Variants in HDAC9 observed in about 807,000 individuals in gnomAD.
HDAC9 encodes the protein MEF-2 interacting transcription repressor (MITR) protein.
A neutral mutation model predicts 139.4 loss-of-function variants in HDAC9; 41 were observed. That is an observed-to-expected ratio of 0.29 (90% CI 0.23 to 0.38). HDAC9 has a LOEUF of 0.38. Ranked by LOEUF, HDAC9 falls within the 10% of genes least tolerant of loss-of-function variation. The probability of loss-of-function intolerance (pLI) is 1.00; values close to 1 mark genes in which losing one functional copy is unlikely to be tolerated. For synonymous variants in HDAC9, 517 were observed against 476.2 expected (o/e 1.09, Z -1.12); for missense variants, 1,147 against 1,297.0 (o/e 0.88, Z 1.78).
chr7:18,710,517 T>C (rs1478156563), intron 12 of HDAC9, among the ~76,000 whole-genome samples: 1 of 152,048 alleles, frequency 6.6e-6, no homozygotes, highest in Admixed American at 6.5e-5. Flanking sequence ...CATACATACG[T>C]ATATATATAC....
At position 18,666,275 on chromosome 7, in the gene HDAC9, A is replaced by G. The variant is rs199751327; in HGVS notation, c.1530A>G (p.Glu510=). The change falls in exon 12 of 26, where the codon GAA becomes GAG. Residue 510 remains glutamate, a synonymous_variant. Coordinates refer to ENST00000686413, the MANE Select transcript of HDAC9 (RefSeq NM_178425.4). ...GCAGTCACCTTGAGGAAGCAGAGGA[A>G]GAGCTTCAGGGGGACCAGGCGATGC... ...QPGSHLEEAE[E]ELQGDQAMQE... 5 of 1,613,408 alleles carry G rather than the reference A, an allele frequency of 3.1e-6. No individual in the cohort carries two copies. Among genetic ancestry groups the G allele is most frequent in the Non-Finnish European group, 4.2e-6 (5 of 1,179,544 alleles).
rs371160869 is a variant in HDAC9, at chr7:18,898,877, CACTT to C, written c.2803+24284_2803+24287del. Among the ~76,000 whole-genome samples the C allele has an allele frequency of 8.2e-4, 124 of 151,950 alleles. No homozygotes were observed. In the East Asian group the frequency reaches 0.013, roughly 16 times the overall value. Reference sequence around the variant, plus strand: ...ATATTTTGAGGAAATGTTTTTAAATCACTTACACAATATGCTTAAAAGTATATCC... The same window carrying C: ...ATATTTTGAGGAAATGTTTTTAAATCACACAATATGCTTAAAAGTATATCC... On this transcript the variant is annotated intron_variant, in intron 22 of 25. Transcript: ENST00000686413.
intron 1 of HDAC9, among the ~76,000 whole-genome samples, chr7:18,147,451 G>C (rs755924702): frequency 2.0e-5 from 3 of 152,168 alleles, no homozygotes; most frequent in Non-Finnish European, 4.4e-5. Flanking sequence ...ATCATTTTCT[G>C]TGAACTTGGG....
intron 1 of HDAC9, among the ~76,000 whole-genome samples, chr7:18,138,192 C>T (rs180681186): frequency 6.6e-6 from 1 of 152,066 alleles, no homozygotes; most frequent in Non-Finnish European, 1.5e-5. Context: ...TGATTCTTCT[C>T]TCTTTTTTTC....
intron 1 of HDAC9, among the ~76,000 whole-genome samples, chr7:18,411,146 C>T (rs1223005843): frequency 1.3e-5 from 2 of 152,140 alleles, no homozygotes; most frequent in African/African-American, 4.8e-5. Flanking sequence ...CCATGGAGTG[C>T]TGGTGGGTAT....
chr7:18,425,381 C>G (rs1377160989), intron 1 of HDAC9, among the ~76,000 whole-genome samples: 1 of 152,084 alleles, frequency 6.6e-6, no homozygotes, highest in Non-Finnish European at 1.5e-5. Flanking sequence ...CTCATGTCAC[C>G]ATGAAAGAGA....
At chr7:18,709,559 C>CA (rs1406532138) in intron 12 of HDAC9, among the ~76,000 whole-genome samples, 1 of 152,110 alleles carries the variant, frequency 6.6e-6, no homozygotes, top group Non-Finnish European at 1.5e-5. Flanking sequence ...AAACATATCT[C>CA]AGAGTTTTTG....
intron 1 of HDAC9, among the ~76,000 whole-genome samples, chr7:18,374,117 A>G (rs1585446883): frequency 6.6e-6 from 1 of 151,826 alleles, no homozygotes; most frequent in Admixed American, 6.6e-5. Context: ...CTATGCATAT[A>G]TATCATAAAA....
chr7:18,363,768 C>T (rs1205968906), intron 1 of HDAC9, among the ~76,000 whole-genome samples: 1 of 152,104 alleles, frequency 6.6e-6, no homozygotes, highest in Non-Finnish European at 1.5e-5. Context: ...TACCAGGTGC[C>T]TCCTCTTTTT....
chr7:18,892,149 G>A (rs1204780091), intron 22 of HDAC9: 3 of 152,084 alleles, frequency 2.0e-5, no homozygotes. Context: ...TAGGAGACCT[G>A]CGTTCTACAG....
At chr7:18,392,315 T>TCTCTCACACACA (rs1554402177) in intron 1 of HDAC9, among the ~76,000 whole-genome samples, 1 of 119,298 alleles carries the variant, frequency 8.4e-6, no homozygotes, top group African/African-American at 3.3e-5. Flanking sequence ...TCTCTCTCTC[T>TCTCTCACACACA]CACACACACA....
intron 17 of HDAC9, among the ~76,000 whole-genome samples, chr7:18,798,255 T>C (rs1466378309): frequency 6.6e-6 from 1 of 152,108 alleles, no homozygotes; most frequent in African/African-American, 2.4e-5. Context: ...CAGCAAAGTG[T>C]CAGTCTAAGA....
At chr7:18,893,897 C>T (rs12700012) in intron 22 of HDAC9, among the ~76,000 whole-genome samples, 1,620 of 152,224 alleles carry the variant, frequency 0.011, 11 homozygotes, top group Middle Eastern at 0.014. Flanking sequence ...ACATTGTAGG[C>T]ATGGGGAACA....
At chr7:18,614,844 C>T (rs1838147714) in intron 6 of HDAC9, among the ~76,000 whole-genome samples, 1 of 152,144 alleles carries the variant, frequency 6.6e-6, no homozygotes, top group South Asian at 2.1e-4. Context: ...AGGGTTTTAG[C>T]TGCCAAATAA....
chr7:18,916,684 T>C (rs1803239691), intron 22 of HDAC9, among the ~76,000 whole-genome samples: 1 of 152,038 alleles, frequency 6.6e-6, no homozygotes, highest in African/African-American at 2.4e-5. Context: ...TGCAGCATTC[T>C]ACCCGCCTAT....
At chr7:18,831,081 A>T (rs113851848) in intron 19 of HDAC9, among the ~76,000 whole-genome samples, 35 of 152,186 alleles carry the variant, frequency 2.3e-4, no homozygotes, top group African/African-American at 7.7e-4. Context: ...AAGCTTTCTC[A>T]ATTTGTCAAA....
rs2389927 is a variant in HDAC9, at chr7:18,514,676, A to T, written c.22+18352A>T. On this transcript the variant is annotated intron_variant, in intron 2 of 25. Coordinates refer to ENST00000686413, the MANE Select transcript of HDAC9 (RefSeq NM_178425.4). ...TTTTCTTGGCTGTGTGCTGTGGCCC[A>T]TGCCTATAAACCTCAGGATTTGGAA... Among the ~76,000 whole-genome samples the T allele has an allele frequency of 2.0e-4, 31 of 152,344 alleles. 1 individual carries two copies. Among genetic ancestry groups the T allele is most frequent in the Middle Eastern group, 3.4e-3 (1 of 294 alleles).
At chr7:18,709,696 T>G (rs1241928553) in intron 12 of HDAC9, among the ~76,000 whole-genome samples, 3 of 152,198 alleles carry the variant, frequency 2.0e-5, no homozygotes, top group African/African-American at 7.2e-5. Context: ...CCTTACAGGT[T>G]TAGAATCAAA....
At chr7:18,288,862 G>T (rs1433410897), upstream of HDAC9, among the ~76,000 whole-genome samples, 3 of 152,180 alleles carry the variant, frequency 2.0e-5, no homozygotes, top group South Asian at 2.1e-4. Flanking sequence ...GGGCAAGTAG[G>T]TGTGTTTGAA....
Sources: gnomAD v4.1 joint callset for allele counts (sites outside exome capture counted in the v4.1 genomes callset) on GRCh38, gnomAD v4.1.1 for gene constraint, MANE v1.5 for transcripts, NCBI Gene and HGNC (gene_info 2026-07-23, HGNC 2026-07-21) for gene names.